Variants in GALNT16 observed in about 807,000 individuals in gnomAD.
GALNT16 encodes polypeptide N-acetylgalactosaminyltransferase 16.
In GALNT16, 40 loss-of-function variants were observed where a neutral mutation model predicts 76.1. The ratio of observed to expected loss-of-function variants is 0.53; its 90% CI spans 0.41 to 0.68. The LOEUF (loss-of-function observed/expected upper bound fraction) is 0.68. Ranked by LOEUF, GALNT16 falls within the 30% of genes least tolerant of loss-of-function variation. The pLI is 0.00. For missense variants in GALNT16, 621 were observed against 731.9 expected (o/e 0.85, Z 1.75); for synonymous variants, 276 against 285.2 (o/e 0.97, Z 0.32).
rs1415604319 is a variant in GALNT16 at position 69,320,801 on chromosome 14, G to A, written c.268G>A (p.Ala90Thr). The A allele has an allele frequency of 3.1e-6, 5 of 1,614,198 alleles. No homozygotes were observed. Among genetic ancestry groups the A allele is most frequent in the Admixed American group, 1.7e-5 (1 of 60,028 alleles). ...KAGEDPYRQHAFNQLESDKLS... is the reference protein window; with the variant it reads ...KAGEDPYRQHTFNQLESDKLS... ...TGGAGAGGACCCCTACAGACAGCAC[G>A]CCTTCAACCAGCTGGAGAGTGACAA... Residue 90 changes from alanine to threonine, a missense_variant, in exon 2 of 15, where the codon GCC becomes ACC. By Grantham distance (58) the Ala-to-Thr change is moderately conservative (BLOSUM62 0). Transcript: ENST00000448469.
intron 9 of GALNT16, among the ~76,000 whole-genome samples, chr14:69,334,920 TGG>T (rs2045398122): frequency 6.6e-6 from 1 of 152,076 alleles, no homozygotes; most frequent in African/African-American, 2.4e-5. Flanking sequence ...GCCCTCTTGG[TGG>T]GCCCAGTCCT....
chr14:69,336,417 G>A (rs1206904348), intron 9 of GALNT16, among the ~76,000 whole-genome samples: 2 of 152,192 alleles, frequency 1.3e-5, no homozygotes, highest in Non-Finnish European at 2.9e-5. Context: ...CAGCCAGCAT[G>A]GCCTCTTTGA....
intron 1 of GALNT16, among the ~76,000 whole-genome samples, chr14:69,287,370 C>A (rs916375767): frequency 1.3e-5 from 2 of 152,202 alleles, no homozygotes; most frequent in African/African-American, 4.8e-5. Context: ...TGTTTACTGG[C>A]TAAACGCAAG....
intron 1 of GALNT16, among the ~76,000 whole-genome samples, chr14:69,297,385 T>C (rs1166622001): frequency 6.6e-6 from 1 of 152,188 alleles, no homozygotes; most frequent in Non-Finnish European, 1.5e-5. Context: ...CTTTTACTCT[T>C]TTTGCTTTAG....
At chr14:69,264,801 TCTC>T (rs2044319860) in intron 1 of GALNT16, among the ~76,000 whole-genome samples, 3 of 125,824 alleles carry the variant, frequency 2.4e-5, no homozygotes, top group East Asian at 5.2e-4. Flanking sequence ...TTTTTTATTT[TCTC>T]TTTTCTTTTT....
chr14:69,263,057 T>G (rs941073351), intron 1 of GALNT16, among the ~76,000 whole-genome samples: 2 of 151,990 alleles, frequency 1.3e-5, no homozygotes, highest in Non-Finnish European at 2.9e-5. Context: ...TTTTTGTATT[T>G]TTAGTAGAGA....
chr14:69,337,414 G>GTT (rs2045428360), intron 9 of GALNT16, among the ~76,000 whole-genome samples: 1 of 152,188 alleles, frequency 6.6e-6, no homozygotes. Flanking sequence ...CTATTGTTAT[G>GTT]GCCATTGTTG....
At chr14:69,313,915 C>G (rs2045063948) in intron 1 of GALNT16, among the ~76,000 whole-genome samples, 1 of 152,232 alleles carries the variant, frequency 6.6e-6, no homozygotes, top group African/African-American at 2.4e-5. Context: ...AGGAGATAGC[C>G]TTTAAGGTCC....
the GALNT16 span, among the ~76,000 whole-genome samples, chr14:69,379,440 T>C: frequency 6.6e-6 from 1 of 151,870 alleles, no homozygotes; most frequent in Non-Finnish European, 1.5e-5. Context: ...ACAAAAAAAA[T>C]AGTTAAGGCC....
chr14:69,374,155 C>T, the GALNT16 span, among the ~76,000 whole-genome samples: 1 of 152,122 alleles, frequency 6.6e-6, no homozygotes, highest in Non-Finnish European at 1.5e-5. Context: ...TTTCAAGTGC[C>T]CTCATGATTT....
At chr14:69,330,988 A>G (rs1338891865) in intron 6 of GALNT16, among the ~76,000 whole-genome samples, 1 of 152,174 alleles carries the variant, frequency 6.6e-6, no homozygotes, top group African/African-American at 2.4e-5. Context: ...TCCAGCTGCT[A>G]GTAGTCCCAT....
chr14:69,264,315 G>A (rs889178850), intron 1 of GALNT16, among the ~76,000 whole-genome samples: 2 of 152,114 alleles, frequency 1.3e-5, no homozygotes, highest in African/African-American at 4.8e-5. Flanking sequence ...TTATTTTGTC[G>A]GCTGAAATTG....
chr14:69,377,618 G>A, the GALNT16 span, among the ~76,000 whole-genome samples: 332 of 151,706 alleles, frequency 2.2e-3, 3 homozygotes, highest in African/African-American at 7.7e-3. Context: ...ACCAGCCTGG[G>A]CAACATAAGG....
the GALNT16 span, among the ~76,000 whole-genome samples, chr14:69,373,385 A>C: frequency 6.6e-6 from 1 of 152,238 alleles, no homozygotes; most frequent in Non-Finnish European, 1.5e-5. Flanking sequence ...GGCCTGTCTC[A>C]GTTAAGCGAT....
chr14:69,313,606 G>C (rs1045256291), intron 1 of GALNT16, among the ~76,000 whole-genome samples: 58 of 152,372 alleles, frequency 3.8e-4, no homozygotes, highest in African/African-American at 1.3e-3. Context: ...CAGTAGTGTT[G>C]GAAAGCTGTG....
In GALNT16 at chr14:69,352,099, C is replaced by T; in HGVS notation, c.1608C>T (p.Ala536=). Residue 536 remains alanine, a synonymous_variant, in exon 15 of 15, where the codon GCC becomes GCT. Transcript: ENST00000448469. ...GCCTCTGCCTGGAGACAAAGCCTGC[C>T]CAGCTGGTGACCAGCAAGTGTCAGG... is the stretch of plus-strand genomic sequence containing the variant. The part of the protein sequence containing the change: ...VSGLCLETKP[A]QLVTSKCQAD... The T allele has an allele frequency of 6.2e-7, 1 of 1,614,020 alleles. No homozygotes were observed. Among genetic ancestry groups the T allele is most frequent in the Non-Finnish European group, 8.5e-7 (1 of 1,179,874 alleles).
intron 5 of GALNT16, among the ~76,000 whole-genome samples, chr14:69,327,013 G>C (rs186543389): frequency 6.6e-6 from 1 of 152,194 alleles, no homozygotes; most frequent in Admixed American, 6.5e-5. Flanking sequence ...CCAGAAGAAA[G>C]CATTGACTTC....
At chr14:69,381,034 G>C in the GALNT16 span, among the ~76,000 whole-genome samples, 1 of 152,202 alleles carries the variant, frequency 6.6e-6, no homozygotes, top group African/African-American at 2.4e-5. Context: ...TGTAATCCCA[G>C]CACTTTGGGA....
At chr14:69,349,814 CA>C (rs2045610776) in intron 14 of GALNT16, 1 of 152,240 alleles carries the variant, frequency 6.6e-6, no homozygotes, top group Non-Finnish European at 1.5e-5. Context: ...CCTGGAGAGT[CA>C]AGAAGCCCTG....
Sources: gnomAD v4.1 joint callset for allele counts (sites outside exome capture counted in the v4.1 genomes callset) on GRCh38, gnomAD v4.1.1 for gene constraint, MANE v1.5 for transcripts, NCBI Gene and HGNC (gene_info 2026-07-23, HGNC 2026-07-21) for gene names.